Variants in MAPK8 observed in about 807,000 individuals in gnomAD.
MAPK8 encodes the protein mitogen-activated protein kinase 8.
A neutral mutation model predicts 52.9 loss-of-function variants in MAPK8; 13 were observed. The ratio of observed to expected loss-of-function variants is 0.25; its 90% CI spans 0.16 to 0.39. MAPK8 has a LOEUF of 0.39. Among genes scored for constraint, MAPK8 ranks in the 10% least tolerant of loss-of-function variants. The pLI is 1.00. For missense variants in MAPK8, 300 were observed against 519.2 expected (o/e 0.58, Z 4.10); for synonymous variants, 191 against 169.8 (o/e 1.12, Z -0.97).
intron 1 of MAPK8, among the ~76,000 whole-genome samples, chr10:48,307,406 C>G (rs902361882): frequency 3.3e-5 from 5 of 152,318 alleles, no homozygotes; most frequent in Middle Eastern, 3.4e-3. Context: ...GGGCAGAGAG[C>G]CCAGGCCCGT....
intron 2 of MAPK8, among the ~76,000 whole-genome samples, chr10:48,404,348 G>A (rs1046283779): frequency 6.6e-6 from 1 of 151,310 alleles, no homozygotes; most frequent in Non-Finnish European, 1.5e-5. Context: ...AGTAGAGGCG[G>A]AGTTTCACTG....
chr10:48,413,990 C>T (rs931712439), intron 5 of MAPK8, among the ~76,000 whole-genome samples: 8 of 151,186 alleles, frequency 5.3e-5, no homozygotes, highest in South Asian at 2.1e-4. Context: ...ATTGTATGCT[C>T]GTTACCACAA....
intron 1 of MAPK8, among the ~76,000 whole-genome samples, chr10:48,388,603 C>T (rs933249457): frequency 6.6e-5 from 10 of 151,990 alleles, no homozygotes; most frequent in Non-Finnish European, 1.5e-4. Flanking sequence ...CTAGCATGTT[C>T]CCCCCAGTTT....
At chr10:48,341,632 C>T (rs145792876) in intron 1 of MAPK8, among the ~76,000 whole-genome samples, 89 of 152,298 alleles carry the variant, frequency 5.8e-4, no homozygotes, top group South Asian at 1.2e-3. Context: ...GCTTAGACTT[C>T]AAGATGAGTA....
rs749668518 is a variant in MAPK8 at position 48,410,105 on chromosome 10, C to T, written c.387C>T (p.Ser129=). 4.9e-5 allele frequency: 78 copies of T among 1,592,878 alleles called. No individual in the cohort carries two copies. The highest frequency in any genetic ancestry group is 6.5e-5 in the Non-Finnish European group (76 of 1,170,638). ...IQMELDHERM[S]YLLYQMLCGI... is the part of the protein sequence containing the mutation. ...TGGAGCTAGATCATGAAAGAATGTC[C>T]TACCTTCTCTATCAGATGCTGTGTG... Residue 129 remains serine (S), a synonymous_variant, in exon 5 of 12, where the codon TCC becomes TCT. Transcript: ENST00000374189.
Position 48,427,249 on chromosome 10 carries a change from C to T in MAPK8, c.1060+106C>T, listed in dbSNP as rs3730162. On this transcript the variant is annotated intron_variant, in intron 10 of 11. Coordinates refer to ENST00000374189, the MANE Select transcript of MAPK8 (RefSeq NM_001323329.2). ...AATTTGTGACTTTAATATGCATAAC[C>T]GAAATGTGGTAATATTAATATTTTT... 2,145 of 671,440 alleles carry T rather than the reference C, an allele frequency of 3.2e-3. 25 individuals are homozygous for T. Among genetic ancestry groups the T allele is most frequent in the Middle Eastern group, 1.8e-3 (7 of 3,934 alleles). The allele number at this position is 671,440 out of a possible 1,614,324, so 41.6% of individuals were successfully genotyped here. A position where few individuals can be genotyped will look rare whatever the true frequency, so the allele number is the denominator to read the frequency against.
chr10:48,413,528 T>C (rs1422382440), intron 5 of MAPK8, among the ~76,000 whole-genome samples: 2 of 152,040 alleles, frequency 1.3e-5, no homozygotes, highest in Admixed American at 1.3e-4. Flanking sequence ...TGGTTCTGAG[T>C]TCACTTGATT....
intron 1 of MAPK8, among the ~76,000 whole-genome samples, chr10:48,313,470 C>G (rs895306599): frequency 6.6e-5 from 10 of 152,040 alleles, no homozygotes; most frequent in African/African-American, 2.4e-4. Context: ...CAGAAATAAT[C>G]AAAGACATTA....
intron 1 of MAPK8, among the ~76,000 whole-genome samples, chr10:48,381,879 T>A (rs1439876230): frequency 6.6e-6 from 1 of 152,196 alleles, no homozygotes; most frequent in Admixed American, 6.5e-5. Flanking sequence ...CTTCCTAATG[T>A]CTTCCTCAGT....
At chr10:48,350,517 C>A (rs1432736170) in intron 1 of MAPK8, among the ~76,000 whole-genome samples, 1 of 152,154 alleles carries the variant, frequency 6.6e-6, no homozygotes, top group Non-Finnish European at 1.5e-5. Flanking sequence ...ATGACAAAAA[C>A]CACATGATTA....
intron 1 of MAPK8, among the ~76,000 whole-genome samples, chr10:48,372,904 C>T (rs912269501): frequency 2.0e-5 from 3 of 151,948 alleles, no homozygotes; most frequent in Non-Finnish European, 4.4e-5. Flanking sequence ...AGATATTCCT[C>T]GAGAAGAGCA....
At chr10:48,316,215 A>G (rs1378134372) in intron 1 of MAPK8, among the ~76,000 whole-genome samples, 2 of 152,134 alleles carry the variant, frequency 1.3e-5, no homozygotes. Context: ...AAATTATACC[A>G]TATTTTTACT....
intron 1 of MAPK8, among the ~76,000 whole-genome samples, chr10:48,311,517 G>A (rs540469763): frequency 1.3e-5 from 2 of 152,266 alleles, no homozygotes; most frequent in South Asian, 4.1e-4. Flanking sequence ...GCTTTCCTAG[G>A]TTTGTTATAG....
At chr10:48,363,271 C>T (rs979408723) in intron 1 of MAPK8, among the ~76,000 whole-genome samples, 2 of 152,170 alleles carry the variant, frequency 1.3e-5, no homozygotes, top group African/African-American at 2.4e-5. Context: ...GAATGTGAGT[C>T]CCCTGGCAGA....
intron 1 of MAPK8, among the ~76,000 whole-genome samples, chr10:48,364,791 A>T (rs1017638890): frequency 7.2e-5 from 11 of 152,186 alleles, no homozygotes; most frequent in African/African-American, 2.7e-4. Flanking sequence ...TATCCTAAAG[A>T]CAGAAAACTC....
At chr10:48,354,526 G>C (rs1846656219) in intron 1 of MAPK8, among the ~76,000 whole-genome samples, 1 of 152,212 alleles carries the variant, frequency 6.6e-6, no homozygotes, top group Non-Finnish European at 1.5e-5. Context: ...AGAATCACAT[G>C]GAGGACTTGT....
intron 1 of MAPK8, among the ~76,000 whole-genome samples, chr10:48,360,169 AG>A (rs1847388810): frequency 1.3e-5 from 2 of 152,188 alleles, no homozygotes; most frequent in Admixed American, 1.3e-4. Context: ...TCTGTCTAAA[AG>A]AAAAAAAAAG....
intron 11 of MAPK8, 98 bp downstream of exon 11, chr10:48,431,368 T>A (rs982120020): frequency 8.2e-5 from 63 of 769,806 alleles, no homozygotes; most frequent in Non-Finnish European, 1.2e-4. Context: ...ATTTACAAAA[T>A]CATTATTATT....
chr10:48,383,425 A>G (rs2041131828), intron 1 of MAPK8, among the ~76,000 whole-genome samples: 2 of 152,226 alleles, frequency 1.3e-5, no homozygotes, highest in African/African-American at 2.4e-5. Context: ...GTCAAGAGTC[A>G]TATTAATATT....
Sources: allele counts gnomAD v4.1 joint callset (sites outside exome capture counted in the v4.1 genomes callset), GRCh38; gene constraint gnomAD v4.1.1; transcripts MANE v1.5; gene names NCBI Gene and HGNC (gene_info 2026-07-23, HGNC 2026-07-21).